NWD2: variants seen among roughly 807,000 people sequenced by gnomAD.
NWD2 encodes NACHT and WD repeat domain-containing protein 2.
In NWD2, 37 loss-of-function variants were observed where a neutral mutation model predicts 132.7. The observed-to-expected ratio is 0.28, with a 90% CI of 0.21 to 0.37. The LOEUF (loss-of-function observed/expected upper bound fraction) is 0.37, where lower values mean the gene tolerates loss of function less well. NWD2 is among the 10% of genes least tolerant of loss of function. NWD2 has a pLI of 1.00. For synonymous variants in NWD2, 705 were observed against 803.0 expected (o/e 0.88, Z 2.06); for missense variants, 1,592 against 2,122.4 (o/e 0.75, Z 4.91).
At chr4:37,349,546 T>C (rs1719720138) in intron 2 of NWD2, among the ~76,000 whole-genome samples, 2 of 152,226 alleles carry the variant, frequency 1.3e-5, no homozygotes, top group South Asian at 4.1e-4. Flanking sequence ...TTTTTTATCT[T>C]GTAAATTTGT....
chr4:37,322,630 G>C (rs1016790142), intron 1 of NWD2, among the ~76,000 whole-genome samples: 8 of 152,140 alleles, frequency 5.3e-5, no homozygotes, highest in African/African-American at 1.9e-4. Flanking sequence ...GTAGTGATGT[G>C]ATCTGATTTA....
intron 1 of NWD2, among the ~76,000 whole-genome samples, chr4:37,301,835 T>C (rs964442983): frequency 6.6e-6 from 1 of 152,108 alleles, no homozygotes; most frequent in African/African-American, 2.4e-5. Context: ...TATGTTGTCT[T>C]GATTTTTATG....
At chr4:37,301,085 A>G (rs1043355738) in intron 1 of NWD2, among the ~76,000 whole-genome samples, 2 of 151,998 alleles carry the variant, frequency 1.3e-5, no homozygotes, top group Non-Finnish European at 2.9e-5. Flanking sequence ...TTTTTTTGAC[A>G]CATAATTTTG....
At chr4:37,441,975 A>C (rs983786666) in intron 6 of NWD2, among the ~76,000 whole-genome samples, 1 of 152,228 alleles carries the variant, frequency 6.6e-6, no homozygotes, top group Non-Finnish European at 1.5e-5. Flanking sequence ...TATCATAAGC[A>C]ATCAATGTAG....
chr4:37,263,818 T>G (rs1359211387), intron 1 of NWD2, among the ~76,000 whole-genome samples: 1 of 152,134 alleles, frequency 6.6e-6, no homozygotes, highest in Non-Finnish European at 1.5e-5. Flanking sequence ...AGTTATTTTT[T>G]AAAAAAAGAA....
At chr4:37,381,235 G>A (rs149752525) in intron 3 of NWD2, among the ~76,000 whole-genome samples, 1 of 152,134 alleles carries the variant, frequency 6.6e-6, no homozygotes, top group African/African-American at 2.4e-5. Flanking sequence ...AGAGGGCCGA[G>A]TCACTCATAT....
intron 1 of NWD2, among the ~76,000 whole-genome samples, chr4:37,261,895 C>G (rs899813088): frequency 1.3e-5 from 2 of 152,088 alleles, no homozygotes; most frequent in African/African-American, 4.8e-5. Context: ...AAGGGCAGAA[C>G]CAACCAGATA....
At chr4:37,353,334 T>C (rs181094248) in intron 2 of NWD2, among the ~76,000 whole-genome samples, 49 of 152,286 alleles carry the variant, frequency 3.2e-4, no homozygotes, top group African/African-American at 9.9e-4. Flanking sequence ...TGGGTTTCTC[T>C]TCTCAAGGAG....
intron 1 of NWD2, among the ~76,000 whole-genome samples, chr4:37,253,008 C>T (rs1034305139): frequency 6.6e-6 from 1 of 151,350 alleles, no homozygotes; most frequent in Admixed American, 6.6e-5. Context: ...ACAACCCCCC[C>T]CCCTTATGTT....
intron 1 of NWD2, among the ~76,000 whole-genome samples, chr4:37,267,042 A>G (rs1183482212): frequency 3.3e-5 from 5 of 152,002 alleles, no homozygotes; most frequent in South Asian, 2.1e-4. Flanking sequence ...GAATTTACGT[A>G]GAAAAAGGAC....
Position 37,447,609 on chromosome 4 carries a change from G to T in NWD2, c.*392G>T. 5.0e-6 allele frequency: 1 copy of T among 199,620 alleles called. No individual in the cohort carries two copies. The highest frequency in any genetic ancestry group is 1.0e-5 in the Non-Finnish European group (1 of 96,712). 12.4% of individuals were successfully genotyped at this position (199,620 alleles called of 1,614,324 possible). A position where few individuals can be genotyped will look rare whatever the true frequency, so the allele number is the denominator to read the frequency against. ...GCTGAAATCATGAAGACAAAGAGCT[G>T]CTTGACTTCAAATGATTGTGTGATA... On this transcript the variant is annotated 3_prime_UTR_variant, in exon 7 of 7. Transcript: ENST00000309447.
intron 3 of NWD2, among the ~76,000 whole-genome samples, chr4:37,390,033 G>A (rs1245740967): frequency 6.6e-6 from 1 of 152,092 alleles, no homozygotes; most frequent in Non-Finnish European, 1.5e-5. Flanking sequence ...CAGGTGATCC[G>A]CCCGCCTCAG....
At chr4:37,261,536 A>T (rs73807465) in intron 1 of NWD2, among the ~76,000 whole-genome samples, 17,986 of 152,212 alleles carry the variant, frequency 0.12, 1,256 homozygotes, top group African/African-American at 0.18. Context: ...CGCAAGAATC[A>T]TACAAGTATT....
In NWD2 at chr4:37,428,651, G is replaced by C. The variant is rs182344480; in HGVS notation, c.358-1921G>C. 3.7e-3 allele frequency among the ~76,000 whole-genome samples: 571 copies of C among 152,322 alleles called. 4 individuals carry two copies. Among genetic ancestry groups the C allele is most frequent in the African/African-American group, 0.012 (504 of 41,566 alleles). On this transcript the variant is annotated intron_variant, in intron 3 of 6. Coordinates refer to ENST00000309447, the MANE Select transcript of NWD2 (RefSeq NM_001144990.2). Reference sequence around the variant, plus strand: ...GGTGTTGCAGATGCTGCTGGTTCCAGGTCCACACTGTGAGAACTACTGGCG... The same window carrying C: ...GGTGTTGCAGATGCTGCTGGTTCCACGTCCACACTGTGAGAACTACTGGCG...
In NWD2 at chr4:37,368,701, ACT is replaced by A. The variant is rs369629924; in HGVS notation, c.357+12220_357+12221del. On this transcript the variant is annotated intron_variant, in intron 3 of 6. Transcript: ENST00000309447. The stretch of plus-strand genomic sequence containing the variant: ...AATCTAGGGCAGGAGAGGTGAGGGT[ACT>A]TTGATTGTCCAGAGACCAGCAGTTC... 2.2e-3 allele frequency among the ~76,000 whole-genome samples: 338 copies of A among 152,300 alleles called. 2 individuals carry two copies. The highest frequency in any genetic ancestry group is 4.3e-3 in the Non-Finnish European group (294 of 68,012).
chr4:37,255,277 C>T (rs1345016681), intron 1 of NWD2, among the ~76,000 whole-genome samples: 1 of 152,062 alleles, frequency 6.6e-6, no homozygotes, highest in Non-Finnish European at 1.5e-5. Flanking sequence ...ATCTGATATC[C>T]CGGTGTGGCA....
intron 2 of NWD2, among the ~76,000 whole-genome samples, chr4:37,348,381 C>T (rs904116098): frequency 6.6e-5 from 10 of 151,704 alleles, no homozygotes; most frequent in African/African-American, 2.4e-4. Flanking sequence ...CAGAGCAGAA[C>T]CTGCCCTGAT....
At chr4:37,353,152 C>A (rs1560402060) in intron 2 of NWD2, among the ~76,000 whole-genome samples, 1 of 152,118 alleles carries the variant, frequency 6.6e-6, no homozygotes. Context: ...GTTGAAAATT[C>A]TTTCTTTAAG....
intron 2 of NWD2, among the ~76,000 whole-genome samples, chr4:37,335,304 G>GT (rs1288098750): frequency 5.2e-5 from 6 of 115,888 alleles, no homozygotes; most frequent in Admixed American, 4.5e-4. Context: ...GGTGGGCGGG[G>GT]GGGGGGGGCT....
Sources: allele counts gnomAD v4.1 joint callset (sites outside exome capture counted in the v4.1 genomes callset), GRCh38; gene constraint gnomAD v4.1.1; transcripts MANE v1.5; gene names NCBI Gene and HGNC (gene_info 2026-07-23, HGNC 2026-07-21).